The following MIGA2 variants were observed in gnomAD, a reference collection of about 807,000 sequenced individuals.
MIGA2 encodes the protein family with sequence similarity 73, member B.
Under a neutral mutation model 69.9 loss-of-function variants are expected in MIGA2, and 36 were observed. The ratio of observed to expected loss-of-function variants is 0.52; its 90% CI spans 0.39 to 0.68. MIGA2 has a LOEUF of 0.68. Ranked by LOEUF, MIGA2 falls within the 30% of genes least tolerant of loss-of-function variation. The pLI, the probability that MIGA2 is intolerant of heterozygous loss-of-function variation, is 0.00. For missense variants in MIGA2, 660 were observed against 787.7 expected (o/e 0.84, Z 1.94); for synonymous variants, 333 against 349.2 (o/e 0.95, Z 0.52).
At chr9:129,042,568 T>TA in intron 3 of MIGA2, 54 bp downstream of exon 3, 2 of 1,499,904 alleles carry the variant, frequency 1.3e-6, no homozygotes, top group Non-Finnish European at 1.8e-6. Context: ...CCTGGGGTCA[T>TA]ATCCCAGCTG....
At chr9:129,037,060 G>C (rs898017221) in intron 1 of MIGA2, 5 of 1,002,222 alleles carry the variant, frequency 5.0e-6, no homozygotes, top group Non-Finnish European at 6.0e-6. Flanking sequence ...GAGAAGAAGG[G>C]GCTGCCCAAG....
At chr9:129,037,760 C>T (rs559965177) in intron 1 of MIGA2, among the ~76,000 whole-genome samples, 7 of 152,250 alleles carry the variant, frequency 4.6e-5, no homozygotes, top group African/African-American at 1.7e-4. Flanking sequence ...ACTTGGGGGC[C>T]CAGAAGTCCT....
chr9:129,048,189 G>A (rs1188599422), intron 3 of MIGA2, among the ~76,000 whole-genome samples: 3 of 152,172 alleles, frequency 2.0e-5, no homozygotes, highest in Admixed American at 6.6e-5. Context: ...TCCTCTCCTC[G>A]GCCTGGCCCT....
At chr9:129,049,293 T>C (rs1253323424) in intron 4 of MIGA2, 88 bp from the exon 5 acceptor site, 24 of 1,271,960 alleles carry the variant, frequency 1.9e-5, no homozygotes, top group African/African-American at 5.9e-5. Flanking sequence ...GTGTGGCCCA[T>C]GGTCAGGCAG....
intron 5 of MIGA2, 105 bp from the exon 6 acceptor site, chr9:129,049,722 A>C (rs1229021388): frequency 2.4e-5 from 37 of 1,567,308 alleles, no homozygotes; most frequent in Non-Finnish European, 3.1e-5. Flanking sequence ...GGTCCCACCC[A>C]GTTCTTGCCC....
intron 11 of MIGA2, among the ~76,000 whole-genome samples, chr9:129,063,951 G>A (rs1846203324): frequency 6.6e-6 from 1 of 152,164 alleles, no homozygotes; most frequent in African/African-American, 2.4e-5. Context: ...CCTGATGGAG[G>A]AACACCTGGG....
At chr9:129,044,272 T>C (rs1845087763) in intron 3 of MIGA2, among the ~76,000 whole-genome samples, 1 of 151,822 alleles carries the variant, frequency 6.6e-6, no homozygotes, top group African/African-American at 2.4e-5. Flanking sequence ...GAGCCAGGCA[T>C]GAGCCACCGT....
intron 9 of MIGA2, 154 bp from the exon 10 acceptor site, chr9:129,063,090 G>A (rs1364112819): frequency 2.0e-5 from 14 of 694,344 alleles, no homozygotes; most frequent in Non-Finnish European, 3.2e-5. Flanking sequence ...GGCCTCAAGG[G>A]AGGCAGACGC....
At position 129,068,433 on chromosome 9, in the gene MIGA2, G is replaced by A. The variant is rs1288212828; in HGVS notation, c.1404+101G>A. Reference sequence around the variant, plus strand: ...TCCCTAGCACTGGCACCAGGGCTGGGCCCCCACCCCCTAGATCCGCGGCTG... The same window carrying A: ...TCCCTAGCACTGGCACCAGGGCTGGACCCCCACCCCCTAGATCCGCGGCTG... On this transcript the variant is annotated intron_variant, in intron 13 of 15. Transcript: ENST00000684074. This position sits in a 1 kb window ranked among gnomAD's most constrained non-coding sequence, Gnocchi z 4.1. 6.6e-7 allele frequency: 1 copy of A among 1,509,008 alleles called. No individual in the cohort carries two copies. The allele number at this position is 1,509,008 out of a possible 1,614,324, so 93.5% of individuals were successfully genotyped here.
In MIGA2 at chr9:129,056,772, C is replaced by T. The variant is rs910555350; in HGVS notation, c.676-2382C>T. 2.7e-5 allele frequency among the ~76,000 whole-genome samples: 4 copies of T among 149,344 alleles called. No homozygotes were observed. In the South Asian group the frequency reaches 6.4e-4, roughly 24 times the overall value. ...GACCTCAAGTGATCTGCCCGCCTCG[C>T]CCCCCAAAGTGCTGGGATTACAGGC... On this transcript the variant is annotated intron_variant, in intron 6 of 15. Coordinates refer to ENST00000684074, the MANE Select transcript of MIGA2 (RefSeq NM_001329990.2).
intron 6 of MIGA2, among the ~76,000 whole-genome samples, chr9:129,057,684 A>G (rs1845866243): frequency 6.6e-6 from 1 of 151,272 alleles, no homozygotes; most frequent in South Asian, 2.1e-4. Context: ...GGCTCACTGC[A>G]ACCTCAACCT....
intron 6 of MIGA2, among the ~76,000 whole-genome samples, chr9:129,053,635 G>A (rs1845660135): frequency 6.6e-6 from 1 of 152,142 alleles, no homozygotes; most frequent in Admixed American, 6.6e-5. Context: ...GCAACGTGCT[G>A]AGATTACAGG....
chr9:129,057,494 T>C (rs1348517348), intron 6 of MIGA2, among the ~76,000 whole-genome samples: 1 of 151,606 alleles, frequency 6.6e-6, no homozygotes, highest in Non-Finnish European at 1.5e-5. Flanking sequence ...GGTTTCACCA[T>C]GTCAGCCAGG....
At position 129,064,454 on chromosome 9, in the gene MIGA2, G is replaced by A. The variant is rs1221354104; in HGVS notation, c.1170+823G>A. 4.6e-5 allele frequency among the ~76,000 whole-genome samples: 7 copies of A among 151,414 alleles called. No individual in the cohort carries two copies. In the South Asian group the frequency reaches 1.0e-3, roughly 23 times the overall value. The stretch of plus-strand genomic sequence containing the variant: ...GATCTCCTGACCTCGTGATCCGCCC[G>A]CCTCGGCCTCCCAAAGTGCTGGGAT... On this transcript the variant is annotated intron_variant, in intron 11 of 15. Coordinates refer to ENST00000684074, the MANE Select transcript of MIGA2 (RefSeq NM_001329990.2).
chr9:129,050,874 C>CTT (rs879796979), intron 6 of MIGA2, among the ~76,000 whole-genome samples: 2 of 144,210 alleles, frequency 1.4e-5, no homozygotes, highest in East Asian at 4.0e-4. Flanking sequence ...CCCTTTTTTT[C>CTT]TTTTTTTTTT....
chr9:129,055,083 T>C (rs1845726536), intron 6 of MIGA2, among the ~76,000 whole-genome samples: 2 of 149,030 alleles, frequency 1.3e-5, no homozygotes, highest in South Asian at 2.1e-4. Context: ...TTCTTTTCTT[T>C]TTTTTTTTTT....
intron 4 of MIGA2, 113 bp downstream of exon 4, chr9:129,048,652 T>A: frequency 1.3e-6 from 1 of 797,724 alleles, no homozygotes; most frequent in Non-Finnish European, 2.1e-6. Context: ...ATTCTCTCTC[T>A]CACTCCTCCA....
At chr9:129,042,203 G>A in intron 2 of MIGA2, 101 bp from the exon 3 acceptor site, 1 of 1,165,632 alleles carries the variant, frequency 8.6e-7, no homozygotes. Context: ...ATGTGCCGGA[G>A]AGCCGGTGTG....
At chr9:129,051,074 G>T (rs924135372) in intron 6 of MIGA2, among the ~76,000 whole-genome samples, 3 of 151,108 alleles carry the variant, frequency 2.0e-5, no homozygotes, top group Admixed American at 1.3e-4. Context: ...GGGTTTCATC[G>T]TATTGGTCAG....
Sources: allele counts gnomAD v4.1 joint callset (sites outside exome capture counted in the v4.1 genomes callset), GRCh38; gene constraint gnomAD v4.1.1; non-coding constraint Gnocchi (gnomAD v3.1); transcripts MANE v1.5; gene names NCBI Gene and HGNC (gene_info 2026-07-23, HGNC 2026-07-21).